THSD7B: variants seen among roughly 807,000 people sequenced by gnomAD.
THSD7B encodes the protein thrombospondin type 1 domain containing 7B, also known as thrombospondin type-1 domain-containing protein 7B.
Under a neutral mutation model 213.6 loss-of-function variants are expected in THSD7B, and 138 were observed. That is an observed-to-expected ratio of 0.65 (90% CI 0.56 to 0.74). The LOEUF is 0.74. Among genes scored for constraint, THSD7B ranks in the 30% least tolerant of loss-of-function variants. THSD7B has a pLI of 0.00. For synonymous variants in THSD7B, 742 were observed against 687.0 expected (o/e 1.08, Z -1.25); for missense variants, 1,931 against 1,991.5 (o/e 0.97, Z 0.58).
intron 15 of THSD7B, among the ~76,000 whole-genome samples, chr2:137,540,688 A>G (rs1436677495): frequency 1.3e-5 from 2 of 151,718 alleles, no homozygotes; most frequent in Non-Finnish European, 3.0e-5. Flanking sequence ...TTTCTCTGAT[A>G]TGCTTTTTCT....
At chr2:136,888,948 TG>T (rs1683768729) in intron 2 of THSD7B, among the ~76,000 whole-genome samples, 2 of 43,724 alleles carry the variant, frequency 4.6e-5, no homozygotes, top group Non-Finnish European at 1.9e-4. Flanking sequence ...TTTTGGGGTG[TG>T]TGTGTGTGTG....
intron 2 of THSD7B, among the ~76,000 whole-genome samples, chr2:137,011,830 TC>T (rs1456833263): frequency 6.6e-6 from 1 of 152,220 alleles, no homozygotes; most frequent in Non-Finnish European, 1.5e-5. Context: ...CTATTGCATT[TC>T]TTTTGTTTGA....
intron 14 of THSD7B, among the ~76,000 whole-genome samples, chr2:137,444,675 A>G (rs905779555): frequency 6.7e-6 from 1 of 149,310 alleles, no homozygotes; most frequent in Non-Finnish European, 1.5e-5. Context: ...CTAAAAGAAA[A>G]CTTTGGGAAA....
At chr2:137,374,290 T>G (rs1357800849) in intron 12 of THSD7B, among the ~76,000 whole-genome samples, 1 of 152,186 alleles carries the variant, frequency 6.6e-6, no homozygotes, top group Non-Finnish European at 1.5e-5. Context: ...ATCAGATTAC[T>G]TCTTGACTTT....
At chr2:137,120,903 A>G (rs920329845) in intron 5 of THSD7B, among the ~76,000 whole-genome samples, 4 of 152,214 alleles carry the variant, frequency 2.6e-5, no homozygotes, top group African/African-American at 9.6e-5. Context: ...GCAAACATAG[A>G]CTTTATAAGC....
intron 12 of THSD7B, among the ~76,000 whole-genome samples, chr2:137,351,167 C>A (rs1448901944): frequency 1.3e-5 from 2 of 151,788 alleles, no homozygotes; most frequent in African/African-American, 4.8e-5. Flanking sequence ...TAAGATCATT[C>A]CCTGAAGAAC....
chr2:137,533,254 C>G (rs893843739), intron 15 of THSD7B, among the ~76,000 whole-genome samples: 1 of 151,738 alleles, frequency 6.6e-6, no homozygotes, highest in African/African-American at 2.4e-5. Flanking sequence ...TGTTCCAGTT[C>G]TCTATAACGT....
intron 1 of THSD7B, among the ~76,000 whole-genome samples, chr2:136,772,447 A>C (rs1438830669): frequency 2.0e-5 from 3 of 152,154 alleles, no homozygotes; most frequent in African/African-American, 7.2e-5. Context: ...ACATTCACTT[A>C]TAAAAGTGTT....
intron 12 of THSD7B, among the ~76,000 whole-genome samples, chr2:137,362,729 C>G (rs1389925871): frequency 2.6e-5 from 4 of 152,174 alleles, no homozygotes; most frequent in African/African-American, 9.7e-5. Flanking sequence ...CACCCAGATT[C>G]ATAAAGCAAG....
chr2:136,767,632 A>G (rs1343482774), intron 1 of THSD7B, among the ~76,000 whole-genome samples: 1 of 152,208 alleles, frequency 6.6e-6, no homozygotes, highest in East Asian at 1.9e-4. Context: ...AAAAAATTGT[A>G]GGTGTCATTG....
chr2:136,812,618 A>G (rs998375742), intron 1 of THSD7B, among the ~76,000 whole-genome samples: 1 of 152,210 alleles, frequency 6.6e-6, no homozygotes, highest in African/African-American at 2.4e-5. Context: ...TCATCAAAGC[A>G]ATTCACAGAA....
chr2:137,207,024 TCA>T (rs1680999835), intron 7 of THSD7B, among the ~76,000 whole-genome samples: 2 of 152,076 alleles, frequency 1.3e-5, no homozygotes, highest in African/African-American at 2.4e-5. Flanking sequence ...AAAGGAAAGT[TCA>T]GAGGGGAGAG....
intron 2 of THSD7B, among the ~76,000 whole-genome samples, chr2:137,026,956 C>T (rs750265188): frequency 7.2e-5 from 11 of 152,258 alleles, no homozygotes; most frequent in South Asian, 4.2e-4. Context: ...TTCCAATCTG[C>T]AAAAGTCAAG....
intron 2 of THSD7B, among the ~76,000 whole-genome samples, chr2:137,054,670 G>A (rs1687127289): frequency 2.0e-5 from 3 of 152,126 alleles, no homozygotes; most frequent in African/African-American, 7.2e-5. Flanking sequence ...AAGAGAGAGA[G>A]CTTGTGTAAA....
chr2:136,942,772 A>G (rs1035830140), intron 2 of THSD7B, among the ~76,000 whole-genome samples: 1 of 152,094 alleles, frequency 6.6e-6, no homozygotes, highest in African/African-American at 2.4e-5. Context: ...GGGTTTTCTA[A>G]ATGTACAATC....
At chr2:137,047,808 A>G (rs1294687281) in intron 2 of THSD7B, among the ~76,000 whole-genome samples, 3 of 152,218 alleles carry the variant, frequency 2.0e-5, no homozygotes, top group African/African-American at 7.2e-5. Flanking sequence ...ATAAATGTGC[A>G]TAGGGCAAAG....
rs182100260 is a variant in THSD7B at position 137,209,594 on chromosome 2, C to A, written c.1724-21450C>A. On this transcript the variant is annotated intron_variant, in intron 7 of 27. Transcript: ENST00000409968. Reference sequence around the variant, plus strand: ...TTTGTTTAACATTGAAATTTAAGAACCTGAACTAAATACTGTTGGATTTGG... The same window carrying A: ...TTTGTTTAACATTGAAATTTAAGAAACTGAACTAAATACTGTTGGATTTGG... Among the ~76,000 whole-genome samples the A allele has an allele frequency of 3.9e-5, 6 of 152,040 alleles. No individual in the cohort carries two copies. The East Asian group carries it at 1.2e-3, about 30-fold the overall frequency.
intron 1 of THSD7B, among the ~76,000 whole-genome samples, chr2:136,768,988 T>G (rs570364653): frequency 3.9e-5 from 6 of 152,330 alleles, no homozygotes; most frequent in African/African-American, 1.4e-4. Context: ...AAATTTACTA[T>G]TGTGAATTTT....
intron 3 of THSD7B, among the ~76,000 whole-genome samples, chr2:137,082,614 A>G (rs1687766112): frequency 6.6e-6 from 1 of 152,146 alleles, no homozygotes; most frequent in Non-Finnish European, 1.5e-5. Flanking sequence ...TTTGCCATGC[A>G]GCCATTAGGA....
Sources: allele counts gnomAD v4.1 joint callset (sites outside exome capture counted in the v4.1 genomes callset), GRCh38; gene constraint gnomAD v4.1.1; transcripts MANE v1.5; gene names NCBI Gene and HGNC (gene_info 2026-07-23, HGNC 2026-07-21).